Variants in C12orf42 observed in about 807,000 individuals in gnomAD.
C12orf42 encodes uncharacterized protein C12orf42.
Under a neutral mutation model 21.6 loss-of-function variants are expected in C12orf42, and 25 were observed. The ratio of observed to expected loss-of-function variants is 1.16; its 90% CI spans 0.84 to 1.62. C12orf42 has a LOEUF of 1.62. C12orf42 is among the 40% of genes most tolerant of loss of function. C12orf42 has a pLI of 0.00. For synonymous variants in C12orf42, 174 were observed against 175.0 expected (o/e 0.99, Z 0.05); for missense variants, 483 against 459.3 (o/e 1.05, Z -0.47).
the C12orf42 span, among the ~76,000 whole-genome samples, chr12:103,127,438 A>G: frequency 6.6e-6 from 1 of 152,212 alleles, no homozygotes; most frequent in Admixed American, 6.5e-5. Flanking sequence ...AACATGATCA[A>G]ATTTTTACAT....
At chr12:103,291,540 A>G (rs1241721297) in intron 4 of C12orf42, among the ~76,000 whole-genome samples, 1 of 152,188 alleles carries the variant, frequency 6.6e-6, no homozygotes, top group Admixed American at 6.5e-5. Flanking sequence ...ACTCACAGAT[A>G]GCTGACTAGC....
At chr12:103,327,496 G>T (rs2040823694) in intron 4 of C12orf42, among the ~76,000 whole-genome samples, 1 of 152,188 alleles carries the variant, frequency 6.6e-6, no homozygotes, top group Non-Finnish European at 1.5e-5. Context: ...AGTAAGAAGT[G>T]ATATTCAGTC....
intron 4 of C12orf42, among the ~76,000 whole-genome samples, chr12:103,360,327 A>T (rs1174654295): frequency 1.3e-5 from 2 of 151,652 alleles, no homozygotes; most frequent in Non-Finnish European, 2.9e-5. Flanking sequence ...TCCCAGAACC[A>T]CAATGCTGCT....
intron 4 of C12orf42, among the ~76,000 whole-genome samples, chr12:103,357,321 A>G (rs950575755): frequency 4.6e-5 from 7 of 151,768 alleles, no homozygotes; most frequent in Non-Finnish European, 8.8e-5. Context: ...AAATAATAAT[A>G]ATAATAAAAA....
the C12orf42 span, among the ~76,000 whole-genome samples, chr12:103,509,612 C>T: frequency 1.3e-5 from 2 of 152,162 alleles, no homozygotes; most frequent in Non-Finnish European, 2.9e-5. Context: ...CTTAGACCAA[C>T]TCTCATTTTA....
At chr12:103,315,661 T>G (rs753320477) in intron 4 of C12orf42, among the ~76,000 whole-genome samples, 17 of 152,144 alleles carry the variant, frequency 1.1e-4, no homozygotes, top group Non-Finnish European at 1.9e-4. Flanking sequence ...TAATTATGGT[T>G]AAGAACTTCC....
intron 2 of C12orf42, among the ~76,000 whole-genome samples, chr12:103,419,915 C>T (rs1205894125): frequency 6.6e-6 from 1 of 151,996 alleles, no homozygotes; most frequent in African/African-American, 2.4e-5. Context: ...TTTTCTATAA[C>T]AAAAAAATTC....
At chr12:103,291,051 T>G (rs1174625570) in intron 4 of C12orf42, among the ~76,000 whole-genome samples, 1 of 152,172 alleles carries the variant, frequency 6.6e-6, no homozygotes, top group Non-Finnish European at 1.5e-5. Context: ...AAAGAAAATA[T>G]AGTATTTAGT....
chr12:103,258,225 T>C (rs1195135065), intron 10 of C12orf42, among the ~76,000 whole-genome samples: 1 of 151,988 alleles, frequency 6.6e-6, no homozygotes, highest in African/African-American at 2.4e-5. Flanking sequence ...TTTTAAACAA[T>C]CAAAATAGAG....
At chr12:103,514,287 T>C in the C12orf42 span, among the ~76,000 whole-genome samples, 1 of 152,128 alleles carries the variant, frequency 6.6e-6, no homozygotes, top group Non-Finnish European at 1.5e-5. Flanking sequence ...CAATTCAAGA[T>C]GAGATTTGGA....
the C12orf42 span, among the ~76,000 whole-genome samples, chr12:103,054,564 G>T: frequency 9.2e-5 from 14 of 151,644 alleles, no homozygotes; most frequent in African/African-American, 3.1e-4. Flanking sequence ...TTCTGATTTG[G>T]CTTCCCTTTT....
At chr12:103,463,103 A>G (rs1282890578) in intron 2 of C12orf42, among the ~76,000 whole-genome samples, 2 of 152,218 alleles carry the variant, frequency 1.3e-5, no homozygotes, top group African/African-American at 4.8e-5. Flanking sequence ...AAACAGAAAC[A>G]AAGTATATAC....
chr12:103,398,728 C>G (rs1393697290), intron 3 of C12orf42, among the ~76,000 whole-genome samples: 1 of 151,996 alleles, frequency 6.6e-6, no homozygotes, highest in African/African-American at 2.4e-5. Flanking sequence ...TTGTCCCCAC[C>G]CCATTTATTG....
chr12:103,524,994 A>AT, the C12orf42 span, among the ~76,000 whole-genome samples: 1 of 146,700 alleles, frequency 6.8e-6, no homozygotes, highest in Non-Finnish European at 1.5e-5. Context: ...GTCTGGGGAG[A>AT]TTTTTTTGTT....
chr12:103,429,780 C>G (rs538015655), intron 2 of C12orf42, among the ~76,000 whole-genome samples: 1 of 152,058 alleles, frequency 6.6e-6, no homozygotes, highest in South Asian at 2.1e-4. Context: ...ATACATAGAC[C>G]AATAGAACAG....
the C12orf42 span, among the ~76,000 whole-genome samples, chr12:103,087,651 C>G: frequency 6.6e-6 from 1 of 152,106 alleles, no homozygotes; most frequent in Non-Finnish European, 1.5e-5. Context: ...AAGTGCTATA[C>G]GAAATTAAAA....
At chr12:103,063,301 A>C in the C12orf42 span, among the ~76,000 whole-genome samples, 2 of 152,162 alleles carry the variant, frequency 1.3e-5, no homozygotes, top group African/African-American at 4.8e-5. Context: ...ATTGTGGAAA[A>C]ACAGACATAA....
the C12orf42 span, among the ~76,000 whole-genome samples, chr12:103,069,908 A>T: frequency 1.3e-5 from 2 of 152,154 alleles, no homozygotes; most frequent in South Asian, 4.1e-4. Flanking sequence ...ACACTTAGGG[A>T]CTTATCAGAC....
At chr12:103,187,466 A>T in the C12orf42 span, among the ~76,000 whole-genome samples, 1 of 152,202 alleles carries the variant, frequency 6.6e-6, no homozygotes, top group Non-Finnish European at 1.5e-5. Context: ...GGCAGATGGG[A>T]TGACCACTGA....
Sources: gnomAD v4.1 joint callset for allele counts (sites outside exome capture counted in the v4.1 genomes callset) on GRCh38, gnomAD v4.1.1 for gene constraint, MANE v1.5 for transcripts, NCBI Gene and HGNC (gene_info 2026-07-23, HGNC 2026-07-21) for gene names.